The following SIPA1L3 variants were observed in gnomAD, a reference collection of about 807,000 sequenced individuals.
SIPA1L3 encodes signal induced proliferation associated 1 like 3.
Under a neutral mutation model 150.1 loss-of-function variants are expected in SIPA1L3, and 59 were observed. That is an observed-to-expected ratio of 0.39 (90% CI 0.32 to 0.49). The LOEUF (loss-of-function observed/expected upper bound fraction) is 0.49. Among genes scored for constraint, SIPA1L3 ranks in the 20% least tolerant of loss-of-function variants. SIPA1L3 has a pLI of 0.86. For synonymous variants in SIPA1L3, 1,070 were observed against 1,077.6 expected, an observed-to-expected ratio of 0.99 and a Z score of 0.14; for missense variants, 2,211 against 2,489.5, an observed-to-expected ratio of 0.89 and a Z score of 2.38.
In SIPA1L3 at chr19:38,110,401, C is replaced by G; in HGVS notation, c.2291+17C>G. The G allele has an allele frequency of 2.5e-6, 4 of 1,605,364 alleles. No individual in the cohort carries two copies. The highest frequency in any genetic ancestry group is 1.7e-4 in the Middle Eastern group (1 of 6,016). On this transcript the variant is annotated intron_variant, in intron 8 of 21. Coordinates refer to ENST00000222345, the MANE Select transcript of SIPA1L3 (RefSeq NM_015073.3). The stretch of plus-strand genomic sequence containing the variant: ...CTGTTACAGGTATGCCCCCCACACC[C>G]GGCCCCCAGCAGCGTATGGAGAGAG...
intron 1 of SIPA1L3, among the ~76,000 whole-genome samples, chr19:38,006,916 G>A (rs1208831085): frequency 6.6e-6 from 1 of 152,212 alleles, no homozygotes; most frequent in Non-Finnish European, 1.5e-5. Flanking sequence ...GCCTTAATAA[G>A]GCACTAGAGG....
chr19:38,193,809 G>C lies in SIPA1L3; in HGVS notation c.4840+29G>C. The stretch of plus-strand genomic sequence containing the variant: ...AGCCTGGGCCCCCTGGGACTGGCGC[G>C]GTAGTTACCCCAAGGTTGGGAGGTG... On this transcript the variant is annotated intron_variant, in intron 18 of 21. Transcript: ENST00000222345. 3 of 1,525,726 alleles carry C rather than the reference G, an allele frequency of 2.0e-6. No individual in the cohort carries two copies. The South Asian group carries it at 3.8e-5, about 19-fold the overall frequency. The allele number at this position is 1,525,726 out of a possible 1,614,324, so 94.5% of individuals were successfully genotyped here.
At chr19:38,125,648 G>A (rs1971154635) in intron 9 of SIPA1L3, among the ~76,000 whole-genome samples, 1 of 152,142 alleles carries the variant, frequency 6.6e-6, no homozygotes, top group East Asian at 1.9e-4. Flanking sequence ...TGAATGACTT[G>A]TGACAGTGAG....
chr19:38,110,471 A>G, intron 8 of SIPA1L3, 87 bp downstream of exon 8: 4 of 1,095,842 alleles, frequency 3.7e-6, no homozygotes, highest in Non-Finnish European at 4.0e-6. Context: ...GGGCCCCCCC[A>G]CACCTCACGT....
At chr19:38,174,557 A>G (rs2146006141) in intron 15 of SIPA1L3, among the ~76,000 whole-genome samples, 1 of 152,258 alleles carries the variant, frequency 6.6e-6, no homozygotes, top group Non-Finnish European at 1.5e-5. Flanking sequence ...AAATGGGGGT[A>G]ATAGGATCTG....
At chr19:38,032,205 C>T (rs1163597562) in intron 2 of SIPA1L3, among the ~76,000 whole-genome samples, 1 of 152,162 alleles carries the variant, frequency 6.6e-6, no homozygotes, top group Non-Finnish European at 1.5e-5. Flanking sequence ...TATTTAGTTA[C>T]TAATTTATAT....
At chr19:38,194,365 C>G (rs1021581163) in intron 18 of SIPA1L3, among the ~76,000 whole-genome samples, 2 of 148,958 alleles carry the variant, frequency 1.3e-5, no homozygotes, top group Non-Finnish European at 3.0e-5. Context: ...TTACCCACCT[C>G]CTAACCCCCC....
At chr19:38,124,188 T>G (rs552465263) in intron 9 of SIPA1L3, among the ~76,000 whole-genome samples, 3,979 of 135,762 alleles carry the variant, frequency 0.029, 189 homozygotes, top group African/African-American at 0.11. Flanking sequence ...GGGCGGAGGG[T>G]CTCCTCACTT....
chr19:37,987,567 A>G (rs1967387809), intron 1 of SIPA1L3, among the ~76,000 whole-genome samples: 1 of 152,182 alleles, frequency 6.6e-6, no homozygotes, highest in South Asian at 2.1e-4. Context: ...AGCGGGGATC[A>G]TCAAAAGTGT....
At position 37,972,649 on chromosome 19, in the gene SIPA1L3, A is replaced by G. The variant is rs1966973054; in HGVS notation, c.-378-56440A>G. ...AGCCCAGGATTTTGAGGCTGCAGTGAGCTGTGATTGTGCCACTGCATTCCA... is the reference window on the plus strand; with the variant it reads ...AGCCCAGGATTTTGAGGCTGCAGTGGGCTGTGATTGTGCCACTGCATTCCA... On this transcript the variant is annotated intron_variant, in intron 1 of 21. Transcript: ENST00000222345. Among the ~76,000 whole-genome samples the G allele has an allele frequency of 6.6e-5, 10 of 152,322 alleles. No homozygotes were observed. The South Asian group carries it at 2.1e-3, about 32-fold the overall frequency.
At chr19:38,204,046 C>G in intron 20 of SIPA1L3, 81 bp from the exon 21 acceptor site, 1 of 1,129,640 alleles carries the variant, frequency 8.9e-7, no homozygotes, top group Non-Finnish European at 1.3e-6. Flanking sequence ...GGCCTGTACC[C>G]CCAGGCTCCT....
chr19:38,142,050 C>G (rs1036136598), intron 11 of SIPA1L3, among the ~76,000 whole-genome samples: 1 of 152,162 alleles, frequency 6.6e-6, no homozygotes, highest in South Asian at 2.1e-4. Context: ...ACAGTGACTT[C>G]TTCCTGGAGG....
At chr19:38,056,035 G>A (rs977154352) in intron 2 of SIPA1L3, among the ~76,000 whole-genome samples, 11 of 152,236 alleles carry the variant, frequency 7.2e-5, no homozygotes, top group African/African-American at 2.2e-4. Flanking sequence ...AGTCTGAACA[G>A]TGTGGGGGCT....
chr19:38,108,857 C>T (rs1166508485), intron 7 of SIPA1L3, among the ~76,000 whole-genome samples: 3 of 152,050 alleles, frequency 2.0e-5, no homozygotes, highest in African/African-American at 7.2e-5. Context: ...GGCGTGGTGG[C>T]GCATGCCTGT....
intron 9 of SIPA1L3, among the ~76,000 whole-genome samples, chr19:38,124,126 G>T (rs182522360): frequency 2.0e-5 from 3 of 149,042 alleles, no homozygotes; most frequent in African/African-American, 7.4e-5. Context: ...CCTCCCGGAC[G>T]GGGTGGCTGC....
chr19:38,123,215 C>T (rs973258920), intron 9 of SIPA1L3, among the ~76,000 whole-genome samples: 5 of 151,764 alleles, frequency 3.3e-5, no homozygotes, highest in Non-Finnish European at 5.9e-5. Flanking sequence ...CCAGAGATAC[C>T]TTGACTTGCC....
intron 15 of SIPA1L3, among the ~76,000 whole-genome samples, chr19:38,180,087 T>C (rs1972523774): frequency 6.6e-6 from 1 of 152,218 alleles, no homozygotes; most frequent in Non-Finnish European, 1.5e-5. Flanking sequence ...CCACCTGCCT[T>C]GGCTTCTCAA....
rs761520171 is a variant in SIPA1L3, at chr19:38,047,226, ACACACACGCACG to A, written c.-311+18086_-311+18097del. 2.0e-4 allele frequency among the ~76,000 whole-genome samples: 31 copies of A among 152,054 alleles called. No homozygotes were observed. The highest frequency in any genetic ancestry group is 6.2e-4 in the South Asian group (3 of 4,822). ...CCTGCCAGCCTGTTCTCCCCCGCCG[ACACACACGCACG>A]CACACACGCACGCACTCACACACAC... On this transcript the variant is annotated intron_variant, in intron 2 of 21. Coordinates refer to ENST00000222345, the MANE Select transcript of SIPA1L3 (RefSeq NM_015073.3). The surrounding 1 kb of genome is among the most constrained non-coding windows in gnomAD (Gnocchi z 4.7).
At chr19:38,069,613 C>A (rs1969670706) in intron 2 of SIPA1L3, among the ~76,000 whole-genome samples, 2 of 152,294 alleles carry the variant, frequency 1.3e-5, no homozygotes, top group South Asian at 4.1e-4. Flanking sequence ...CCCCAACCAG[C>A]TAATTCAGAA....
Sources: gnomAD v4.1 joint callset for allele counts (sites outside exome capture counted in the v4.1 genomes callset) on GRCh38, gnomAD v4.1.1 for gene constraint, Gnocchi (gnomAD v3.1) non-coding constraint, MANE v1.5 for transcripts, NCBI Gene and HGNC (gene_info 2026-07-23, HGNC 2026-07-21) for gene names.